The following SPTBN5 variants were observed in gnomAD, a reference collection of about 807,000 sequenced individuals.
SPTBN5 encodes the protein spectrin beta chain, non-erythrocytic 5.
In SPTBN5, 513 loss-of-function variants were observed where a neutral mutation model predicts 477.6. The ratio of observed to expected loss-of-function variants is 1.07; its 90% CI spans 1.00 to 1.16. SPTBN5 has a LOEUF of 1.16. Ranked by LOEUF, SPTBN5 falls within the 50% of genes most tolerant of loss-of-function variation. The probability of loss-of-function intolerance (pLI) is 0.00; values close to 1 mark genes in which losing one functional copy is unlikely to be tolerated. For synonymous variants in SPTBN5, 2,169 were observed against 2,011.7 expected (o/e 1.08, Z -2.09); for missense variants, 5,062 against 4,731.8 (o/e 1.07, Z -2.05).
rs774562500 is a variant in SPTBN5, at chr15:41,854,133, TCTC to T, written c.9688_9690del (p.Glu3230del). ...TCCTCCCCCTTCATCAGGGCCGTCT[TCTC>T]CTGCATCCTTCCCTGGAGCTCAGCT... On this transcript the variant is annotated inframe_deletion, in exon 57 of 68. Coordinates refer to ENST00000320955, the MANE Select transcript of SPTBN5 (RefSeq NM_016642.4). 15 of 1,593,496 alleles carry T rather than the reference TCTC, an allele frequency of 9.4e-6. No individual in the cohort carries two copies. The highest frequency in any genetic ancestry group is 2.3e-5 in the East Asian group (1 of 43,800).
At chr15:41,848,949 C>T (rs1485443040) in intron 67 of SPTBN5, among the ~76,000 whole-genome samples, 4 of 152,110 alleles carry the variant, frequency 2.6e-5, no homozygotes, top group African/African-American at 9.7e-5. Flanking sequence ...AGGCCTGTCC[C>T]GTCAGCAACA....
At position 41,854,890 on chromosome 15, in the gene SPTBN5, G is replaced by A; in HGVS notation, c.9510C>T (p.Gly3170=). ...GCCTGGGTGCACCCCGCTCCAGGGTGCCTGCCAACTTCCTCAGGGCATACA... is the reference window on the plus strand; with the variant it reads ...GCCTGGGTGCACCCCGCTCCAGGGTACCTGCCAACTTCCTCAGGGCATACA... ...AKVYALRKLA[G]TLERGAPRRY... Residue 3170 remains glycine, a synonymous_variant, in exon 56 of 68, where the codon GGC becomes GGT. Transcript: ENST00000320955. The A allele has an allele frequency of 6.2e-7, 1 of 1,609,322 alleles. No individual in the cohort carries two copies. The highest frequency in any genetic ancestry group is 8.5e-7 in the Non-Finnish European group (1 of 1,177,742).
chr15:41,853,870 G>A (rs1228207877), intron 57 of SPTBN5, 83 bp from the exon 58 acceptor site: 5 of 1,442,900 alleles, frequency 3.5e-6, no homozygotes, highest in South Asian at 1.3e-5. Flanking sequence ...AGGCCTCTCT[G>A]AGGAACCACC....
intron 7 of SPTBN5, among the ~76,000 whole-genome samples, chr15:41,885,450 C>T (rs2067117463): frequency 6.6e-6 from 1 of 152,208 alleles, no homozygotes; most frequent in African/African-American, 2.4e-5. Context: ...ACTAAATCTC[C>T]AGCACCTAGC....
Position 41,848,526 on chromosome 15 carries a change from G to A in SPTBN5, c.*90C>T. 2 of 1,494,174 alleles carry A rather than the reference G, an allele frequency of 1.3e-6. No homozygotes were observed. The highest frequency in any genetic ancestry group is 1.1e-5 in the South Asian group (1 of 88,748). 92.6% of individuals were successfully genotyped at this position (1,494,174 alleles called of 1,614,324 possible). The stretch of plus-strand genomic sequence containing the variant: ...TGGGTTGAAGCAGCCACGGGAAGGA[G>A]CCCTTTTGCCTGTAGCTGAGTCTTA... On this transcript the variant is annotated 3_prime_UTR_variant, in exon 68 of 68. Transcript: ENST00000320955.
rs1029269598 is a variant in SPTBN5 at position 41,851,165 on chromosome 15, G to A, written c.10744-15C>T. On this transcript the variant is annotated splice_polypyrimidine_tract_variant and intron_variant, in intron 64 of 67. Coordinates refer to ENST00000320955, the MANE Select transcript of SPTBN5 (RefSeq NM_016642.4). The stretch of plus-strand genomic sequence containing the variant: ...GAAGCTACTTTCTGAGGAGAGATGA[G>A]AGGCAGGGGTCACTGCGGCCATCTC... 3 of 1,610,740 alleles carry A rather than the reference G, an allele frequency of 1.9e-6. No individual in the cohort carries two copies. Among genetic ancestry groups the A allele is most frequent in the Non-Finnish European group, 2.5e-6 (3 of 1,178,642 alleles).
At chr15:41,849,785 G>C in intron 67 of SPTBN5, 84 bp downstream of exon 67, 1 of 1,095,648 alleles carries the variant, frequency 9.1e-7, no homozygotes, top group South Asian at 1.3e-5. Flanking sequence ...CTGAGGCCCA[G>C]AACCTCAGGC....
chr15:41,851,959 C>A, intron 62 of SPTBN5, 109 bp from the exon 63 acceptor site: 2 of 985,764 alleles, frequency 2.0e-6, no homozygotes, highest in Non-Finnish European at 3.1e-6. Context: ...CAAGTACTAA[C>A]CAGGCCTGAC....
At position 41,879,508 on chromosome 15, in the gene SPTBN5, A is replaced by C; in HGVS notation, c.2943-9T>G. On this transcript the variant is annotated splice_polypyrimidine_tract_variant and intron_variant, in intron 15 of 67. Coordinates refer to ENST00000320955, the MANE Select transcript of SPTBN5 (RefSeq NM_016642.4). ...CCTCCAGCTGCCCCCACCTGGGCAGAGGGTACAAGGTTGTCTCCACAACAG... is the reference window on the plus strand; with the variant it reads ...CCTCCAGCTGCCCCCACCTGGGCAGCGGGTACAAGGTTGTCTCCACAACAG... The C allele has an allele frequency of 6.4e-7, 1 of 1,551,084 alleles. No individual in the cohort carries two copies. Among genetic ancestry groups the C allele is most frequent in the African/African-American group, 1.4e-5 (1 of 73,570 alleles).
chr15:41,860,555 A>C, intron 47 of SPTBN5, 31 bp downstream of exon 47: 1 of 1,362,794 alleles, frequency 7.3e-7, no homozygotes, highest in Non-Finnish European at 9.5e-7. Flanking sequence ...CAGCCTGCCC[A>C]CAGCACCCCT....
At position 41,868,139 on chromosome 15, in the gene SPTBN5, T is replaced by G; in HGVS notation, c.6137A>C (p.Gln2046Pro). The G allele has an allele frequency of 1.3e-6, 2 of 1,595,962 alleles. No homozygotes were observed. The highest frequency in any genetic ancestry group is 1.7e-6 in the Non-Finnish European group (2 of 1,172,554). ...QTWARKQERL[Q>P]AEQQEQLFLR... ...GAAGAGCTGCTCCTGCTGCTCGGCC[T>G]GCAGCCTCTCTTGCTTCCGTGCCCA... The change falls in exon 34 of 68, where the codon CAG becomes CCG. Residue 2046 changes from glutamine to proline, a missense_variant. Coordinates refer to ENST00000320955, the MANE Select transcript of SPTBN5 (RefSeq NM_016642.4).
Position 41,883,128 on chromosome 15 carries a change from G to C in SPTBN5, c.1760C>G (p.Ala587Gly). 2 of 1,612,440 alleles carry C rather than the reference G, an allele frequency of 1.2e-6. No individual in the cohort carries two copies. The highest frequency in any genetic ancestry group is 1.7e-6 in the Non-Finnish European group (2 of 1,179,636). ...CTGCTGAGCAAGATGGCTCACATGGGCTCCGTGGGCCGAGACTTGAGCCTC... is the reference window on the plus strand; with the variant it reads ...CTGCTGAGCAAGATGGCTCACATGGCCTCCGTGGGCCGAGACTTGAGCCTC... The part of the protein sequence containing the change: ...LLEAQVSAHG[A>G]HVSHLAQQTA... Residue 587 changes from alanine (A) to glycine (G), a missense_variant, in exon 9 of 68, where the codon GCC (alanine) becomes GGC (glycine). Ala to Gly is a moderately conservative substitution (Grantham distance 60, BLOSUM62 0). Transcript: ENST00000320955.
chr15:41,860,486 G>C, intron 47 of SPTBN5, 100 bp downstream of exon 47: 1 of 1,269,394 alleles, frequency 7.9e-7, no homozygotes. Context: ...AGGCTGGTGA[G>C]CCTGGGCCAA....
intron 23 of SPTBN5, 37 bp from the exon 24 acceptor site, chr15:41,874,515 C>A: frequency 1.2e-5 from 19 of 1,521,936 alleles, no homozygotes; most frequent in Non-Finnish European, 1.4e-5. Context: ...AGGTTGGGAA[C>A]AGAGTGAGCA....
intron 56 of SPTBN5, 51 bp downstream of exon 56, chr15:41,854,731 T>A (rs2065880975): frequency 4.9e-6 from 7 of 1,438,912 alleles, no homozygotes; most frequent in Non-Finnish European, 6.4e-6. Context: ...TTAGAGGGAT[T>A]TTTTGAAGAC....
chr15:41,874,665 C>T (rs1690524691), intron 23 of SPTBN5, among the ~76,000 whole-genome samples, 177 bp downstream of exon 23: 1 of 152,240 alleles, frequency 6.6e-6, no homozygotes, highest in East Asian at 1.9e-4. Context: ...ACTCGCGTGA[C>T]TGCACTGTGG....
At chr15:41,888,193 C>G in intron 4 of SPTBN5, 108 bp from the exon 5 acceptor site, 6 of 1,170,004 alleles carry the variant, frequency 5.1e-6, no homozygotes, top group Non-Finnish European at 7.1e-6. Context: ...CTGCTCCTCC[C>G]TGGCCCGGGG....
At chr15:41,861,577 G>T (rs995186111) in intron 45 of SPTBN5, 81 bp from the exon 46 acceptor site, 1 of 1,548,876 alleles carries the variant, frequency 6.5e-7, no homozygotes, top group East Asian at 2.2e-5. Context: ...AGTGGCACAG[G>T]TTAGGGAACC....
chr15:41,873,648 C>T (rs756193406), intron 25 of SPTBN5, 40 bp from the exon 26 acceptor site: 74 of 1,513,798 alleles, frequency 4.9e-5, no homozygotes, highest in Non-Finnish European at 6.0e-5. Flanking sequence ...GGATCTCAGA[C>T]AGGACCCTCC....
Sources: gnomAD v4.1 joint callset for allele counts (sites outside exome capture counted in the v4.1 genomes callset) on GRCh38, gnomAD v4.1.1 for gene constraint, MANE v1.5 for transcripts, NCBI Gene and HGNC (gene_info 2026-07-23, HGNC 2026-07-21) for gene names.